Variants in LRBA observed in about 807,000 individuals in gnomAD.
LRBA encodes lipopolysaccharide-responsive and beige-like anchor protein.
Under a neutral mutation model 330.0 loss-of-function variants are expected in LRBA, and 176 were observed. The ratio of observed to expected loss-of-function variants is 0.53; its 90% CI spans 0.47 to 0.60. The LOEUF (loss-of-function observed/expected upper bound fraction) is 0.60. Among genes scored for constraint, LRBA ranks in the 20% least tolerant of loss-of-function variants. The pLI, the probability that LRBA is intolerant of heterozygous loss-of-function variation, is 0.00. For missense variants in LRBA, 3,259 were observed against 3,444.8 expected, an observed-to-expected ratio of 0.95 and a Z score of 1.35; for synonymous variants, 1,230 against 1,193.0, an observed-to-expected ratio of 1.03 and a Z score of -0.64.
intron 33 of LRBA, among the ~76,000 whole-genome samples, chr4:150,801,282 G>A (rs944006907): frequency 6.6e-6 from 1 of 152,130 alleles, no homozygotes; most frequent in African/African-American, 2.4e-5. Context: ...TGCTCATGAT[G>A]AATCTGAAAC....
chr4:150,533,777 C>A (rs115524277), intron 40 of LRBA, among the ~76,000 whole-genome samples: 2,450 of 152,272 alleles, frequency 0.016, 69 homozygotes, highest in African/African-American at 0.054. Context: ...TCCACTCAGA[C>A]ATTAGCTAAT....
chr4:150,591,451 C>T (rs1196594110), intron 38 of LRBA, among the ~76,000 whole-genome samples: 3 of 152,348 alleles, frequency 2.0e-5, no homozygotes, highest in Non-Finnish European at 4.4e-5. Context: ...TCCCTCCTTC[C>T]TTCCTTCACA....
At chr4:150,673,574 T>C (rs778090247) in intron 37 of LRBA, among the ~76,000 whole-genome samples, 1 of 152,218 alleles carries the variant, frequency 6.6e-6, no homozygotes, top group Non-Finnish European at 1.5e-5. Flanking sequence ...TACATTTCAG[T>C]ACATTTGCTT....
At chr4:150,812,877 T>G (rs1032655431) in intron 31 of LRBA, among the ~76,000 whole-genome samples, 2 of 152,092 alleles carry the variant, frequency 1.3e-5, no homozygotes, top group African/African-American at 4.8e-5. Context: ...AACAGCATAT[T>G]GGAAAAAGAA....
intron 37 of LRBA, among the ~76,000 whole-genome samples, chr4:150,646,515 A>G (rs992468692): frequency 2.0e-5 from 3 of 152,100 alleles, no homozygotes; most frequent in Admixed American, 2.0e-4. Context: ...GAATGAGATC[A>G]CAAGGGATAC....
intron 38 of LRBA, among the ~76,000 whole-genome samples, chr4:150,597,346 C>T (rs1344047559): frequency 6.6e-6 from 1 of 151,688 alleles, no homozygotes; most frequent in South Asian, 2.1e-4. Flanking sequence ...TCCTGTAACT[C>T]TTCAAAATGG....
At chr4:150,464,083 C>T (rs1476512465) in intron 44 of LRBA, among the ~76,000 whole-genome samples, 1 of 151,448 alleles carries the variant, frequency 6.6e-6, no homozygotes, top group Non-Finnish European at 1.5e-5. Flanking sequence ...GAGTCCAGCC[C>T]GAGTCCAGCC....
intron 33 of LRBA, among the ~76,000 whole-genome samples, chr4:150,803,737 G>C (rs1045750874): frequency 6.6e-6 from 1 of 152,080 alleles, no homozygotes; most frequent in Admixed American, 6.6e-5. Flanking sequence ...AGAACTCTTA[G>C]ATTTGTTTGC....
At chr4:150,635,282 A>G (rs1371158394) in intron 37 of LRBA, among the ~76,000 whole-genome samples, 1 of 152,174 alleles carries the variant, frequency 6.6e-6, no homozygotes, top group Non-Finnish European at 1.5e-5. Flanking sequence ...ATGGTACCAA[A>G]TCTCAACTCT....
At chr4:150,660,340 G>T in intron 37 of LRBA, among the ~76,000 whole-genome samples, 1 of 52,600 alleles carries the variant, frequency 1.9e-5, no homozygotes, top group Non-Finnish European at 4.0e-5. Flanking sequence ...GCCCCGTCCG[G>T]GAGGGAGGTG....
At chr4:150,440,476 T>C (rs1444853644) in intron 44 of LRBA, among the ~76,000 whole-genome samples, 1 of 152,042 alleles carries the variant, frequency 6.6e-6, no homozygotes, top group East Asian at 1.9e-4. Flanking sequence ...CAAAATATTA[T>C]GTTAAAAATA....
chr4:150,268,732 G>A (rs1745682381), intron 56 of LRBA, among the ~76,000 whole-genome samples: 1 of 152,138 alleles, frequency 6.6e-6, no homozygotes, highest in Non-Finnish European at 1.5e-5. Context: ...GAAAACAATA[G>A]GAGTAGAAGG....
chr4:151,009,028 A>ATATATATAT lies in LRBA; in HGVS notation c.216+5398_216+5399insATATATATA. 1.3e-3 allele frequency among the ~76,000 whole-genome samples: 16 copies of ATATATATAT among 12,336 alleles called. 2 individuals carry two copies. Among genetic ancestry groups the ATATATATAT allele is most frequent in the Admixed American group, 6.6e-3 (3 of 458 alleles). 8.1% of individuals were successfully genotyped at this position (12,336 alleles called of 152,430 possible). A position where few individuals can be genotyped will look rare whatever the true frequency, so the allele number is the denominator to read the frequency against. On this transcript the variant is annotated intron_variant, in intron 2 of 56. Coordinates refer to ENST00000651943, the MANE Select transcript of LRBA (RefSeq NM_001364905.1). ...ATATATATATATATATATATATATA[A>ATATATATAT]AATGGTATTTTTTTTTCTTATACAG...
intron 40 of LRBA, among the ~76,000 whole-genome samples, chr4:150,571,752 A>C (rs776454705): frequency 6.8e-6 from 1 of 147,004 alleles, no homozygotes; most frequent in Non-Finnish European, 1.5e-5. Context: ...AGATGATACT[A>C]CAGACAAACT....
intron 48 of LRBA, among the ~76,000 whole-genome samples, chr4:150,341,462 C>T (rs981926405): frequency 6.6e-6 from 1 of 152,122 alleles, no homozygotes; most frequent in Non-Finnish European, 1.5e-5. Flanking sequence ...GCCACCTTGC[C>T]TGGCCTATCA....
intron 35 of LRBA, among the ~76,000 whole-genome samples, chr4:150,744,155 C>G (rs1356674997): frequency 6.6e-6 from 1 of 152,172 alleles, no homozygotes; most frequent in Non-Finnish European, 1.5e-5. Context: ...TAATGAATAA[C>G]TTCCTCTGAT....
At chr4:150,803,075 A>ATAG (rs1553964880) in intron 33 of LRBA, among the ~76,000 whole-genome samples, 1 of 129,884 alleles carries the variant, frequency 7.7e-6, no homozygotes, top group Non-Finnish European at 1.6e-5. Context: ...ACAAAAAAAA[A>ATAG]ATATATATAC....
rs916199339 is a variant in LRBA, at chr4:150,583,055, T to C, written c.6330+4993A>G. On this transcript the variant is annotated intron_variant, in intron 40 of 56. Transcript: ENST00000651943. This position sits in a 1 kb window ranked among gnomAD's most constrained non-coding sequence, Gnocchi z 9.8. ...ATGATCGCCGCTCAGGCCAAGCTGGTTTACCAGCTCAATAAGTACTACACT... is the reference window on the plus strand; with the variant it reads ...ATGATCGCCGCTCAGGCCAAGCTGGCTTACCAGCTCAATAAGTACTACACT... 1 of 1,608,352 alleles carries C rather than the reference T, an allele frequency of 6.2e-7. No homozygotes were observed. The highest frequency in any genetic ancestry group is 1.3e-5 in the African/African-American group (1 of 74,844).
At chr4:150,899,146 AG>A (rs1229549674) in intron 14 of LRBA, among the ~76,000 whole-genome samples, 1 of 152,156 alleles carries the variant, frequency 6.6e-6, no homozygotes, top group East Asian at 1.9e-4. Flanking sequence ...CTAAGCAATC[AG>A]GGCAACTACA....
Sources: allele counts gnomAD v4.1 joint callset (sites outside exome capture counted in the v4.1 genomes callset), GRCh38; gene constraint gnomAD v4.1.1; non-coding constraint Gnocchi (gnomAD v3.1); transcripts MANE v1.5; gene names NCBI Gene and HGNC (gene_info 2026-07-23, HGNC 2026-07-21).